The following PCDHA5 variants were observed in gnomAD, a reference collection of about 807,000 sequenced individuals.
PCDHA5 encodes the protein protocadherin alpha-5.
Under a neutral mutation model 61.6 loss-of-function variants are expected in PCDHA5, and 43 were observed. The observed-to-expected ratio is 0.70, with a 90% CI of 0.55 to 0.90. The LOEUF is 0.90. Among genes scored for constraint, PCDHA5 ranks in the 40% least tolerant of loss-of-function variants. The pLI, the probability that PCDHA5 is intolerant of heterozygous loss-of-function variation, is 0.00. For missense variants in PCDHA5, 1,298 were observed against 1,222.7 expected, an observed-to-expected ratio of 1.06 and a Z score of -0.92; for synonymous variants, 627 against 543.9, an observed-to-expected ratio of 1.15 and a Z score of -2.13.
chr5:140,831,815 T>C (rs1475150566), intron 1 of PCDHA5, among the ~76,000 whole-genome samples: 1 of 152,196 alleles, frequency 6.6e-6, no homozygotes, highest in Admixed American at 6.6e-5. Flanking sequence ...AAAGTTGGAA[T>C]GATAAACACT....
intron 1 of PCDHA5, chr5:140,928,453 T>G (rs528077853): frequency 1.9e-6 from 3 of 1,613,888 alleles, no homozygotes; most frequent in African/African-American, 2.7e-5. Flanking sequence ...GCTCAGGGGG[T>G]TTCATTTCCA....
chr5:140,873,181 T>C (rs2153284921), intron 1 of PCDHA5, among the ~76,000 whole-genome samples: 1 of 152,304 alleles, frequency 6.6e-6, no homozygotes, highest in African/African-American at 2.4e-5. Flanking sequence ...TGTATCATAA[T>C]ATTCATTGGC....
At chr5:140,865,729 G>A (rs1325219094) in intron 1 of PCDHA5, 2 of 152,136 alleles carry the variant, frequency 1.3e-5, no homozygotes, top group Non-Finnish European at 2.9e-5. Context: ...GCTGAGATGT[G>A]TATCTATTTT....
chr5:140,871,567 AT>A (rs1441824086), intron 1 of PCDHA5: 5 of 1,483,054 alleles, frequency 3.4e-6, no homozygotes, highest in African/African-American at 1.4e-5. Context: ...TTTTTCACGG[AT>A]TTTTTAAGGG....
intron 1 of PCDHA5, chr5:140,882,248 CTG>C (rs1554173227): frequency 1.3e-6 from 2 of 1,594,792 alleles, no homozygotes; most frequent in Non-Finnish European, 1.7e-6. Context: ...GCAGATAGCT[CTG>C]AGGTTTTTGG....
intron 1 of PCDHA5, chr5:140,843,178 C>T (rs1188166294): frequency 6.3e-7 from 1 of 1,595,986 alleles, no homozygotes; most frequent in Non-Finnish European, 8.6e-7. Context: ...GCAGCCCTCG[C>T]ATCCCGTTCC....
chr5:141,006,383 T>C (rs1431976303), intron 3 of PCDHA5, among the ~76,000 whole-genome samples: 1 of 151,992 alleles, frequency 6.6e-6, no homozygotes, highest in African/African-American at 2.4e-5. Context: ...GGCTAAGTTT[T>C]TTCTATTTTT....
chr5:141,009,562 C>G lies in PCDHA5; in HGVS notation c.2501-65C>G, dbSNP rs1469033090. On this transcript the variant is annotated intron_variant, in intron 3 of 3. Transcript: ENST00000529859. ...GCCTATGCAGTACTCCTGTACTCTA[C>G]CAGCAGTGTGGCATCAAGAGCATGT... The G allele has an allele frequency of 2.5e-6, 4 of 1,571,226 alleles. No individual in the cohort carries two copies. In the African/African-American group the frequency reaches 5.4e-5, roughly 21 times the overall value.
chr5:140,897,806 CA>C (rs1351917169), intron 1 of PCDHA5, among the ~76,000 whole-genome samples: 11 of 152,166 alleles, frequency 7.2e-5, no homozygotes, highest in African/African-American at 2.7e-4. Flanking sequence ...GTCCCACCAA[CA>C]GTGTAAAAGT....
In PCDHA5 at chr5:140,843,453, T is replaced by A. The variant is rs1554140092; in HGVS notation, c.2352+19326T>A. Reference sequence around the variant, plus strand: ...GCCATCTGCGCGGTATCCAGCCTGCTGGTGCTCACGCTGCTGCTGTACACT... The same window carrying A: ...GCCATCTGCGCGGTATCCAGCCTGCAGGTGCTCACGCTGCTGCTGTACACT... On this transcript the variant is annotated intron_variant, in intron 1 of 3. Coordinates refer to ENST00000529859, the MANE Select transcript of PCDHA5 (RefSeq NM_018908.3). 5.6e-6 allele frequency: 9 copies of A among 1,596,126 alleles called. No individual in the cohort carries two copies. Among genetic ancestry groups the A allele is most frequent in the Non-Finnish European group, 7.7e-6 (9 of 1,165,636 alleles).
chr5:140,927,045 C>G, intron 1 of PCDHA5: 1 of 1,612,254 alleles, frequency 6.2e-7, no homozygotes, highest in Non-Finnish European at 8.5e-7. Context: ...CCGCTATGTC[C>G]TCGCGGAACT....
At chr5:140,968,041 C>T (rs1554230247) in intron 1 of PCDHA5, 1 of 1,614,140 alleles carries the variant, frequency 6.2e-7, no homozygotes, top group Non-Finnish European at 8.5e-7. Context: ...TGGTGAGCGG[C>T]CCACTGGACC....
At chr5:140,851,304 C>A in intron 1 of PCDHA5, 2 of 1,006,386 alleles carry the variant, frequency 2.0e-6, no homozygotes, top group Non-Finnish European at 2.4e-6. Flanking sequence ...AAATATATAG[C>A]AATTGTTACC....
At chr5:140,966,740 C>G in intron 1 of PCDHA5, 1 of 1,422,696 alleles carries the variant, frequency 7.0e-7, no homozygotes, top group Non-Finnish European at 9.1e-7. Flanking sequence ...CGGCCCTGCC[C>G]GGCTGCCTCC....
chr5:140,900,630 G>A (rs1355486036), intron 1 of PCDHA5, among the ~76,000 whole-genome samples: 3 of 152,132 alleles, frequency 2.0e-5, no homozygotes, highest in African/African-American at 7.2e-5. Context: ...TCCAAATCTT[G>A]GCTATTGTGA....
intron 1 of PCDHA5, among the ~76,000 whole-genome samples, chr5:140,838,881 C>G (rs2150293311): frequency 2.0e-5 from 3 of 151,836 alleles, no homozygotes; most frequent in Non-Finnish European, 4.4e-5. Flanking sequence ...TGCCACTGAA[C>G]TCCAGCCTAG....
At chr5:141,002,184 T>A (rs1554258557) in intron 3 of PCDHA5, among the ~76,000 whole-genome samples, 1 of 152,218 alleles carries the variant, frequency 6.6e-6, no homozygotes, top group East Asian at 1.9e-4. Flanking sequence ...CAGAGTGCTG[T>A]CTGGCAAGAT....
At position 140,823,973 on chromosome 5, in the gene PCDHA5, G is replaced by C; in HGVS notation, c.2198G>C (p.Arg733Pro). ...SAQPTEAVCT[R>P]GKPTLLCSSA... is the part of the protein sequence containing the mutation. ...CAGCCCACCGAGGCCGTGTGCACAC[G>C]GGGCAAGCCCACTCTGTTGTGCTCC... Residue 733 changes from arginine to proline, a missense_variant, in exon 1 of 4, where the codon CGG becomes CCG. Transcript: ENST00000529859. 3 of 1,614,090 alleles carry C rather than the reference G, an allele frequency of 1.9e-6. No homozygotes were observed. The highest frequency in any genetic ancestry group is 2.2e-5 in the South Asian group (2 of 91,080).
At position 140,850,415 on chromosome 5, in the gene PCDHA5, G is replaced by A. The variant is rs2150483298; in HGVS notation, c.2352+26288G>A. On this transcript the variant is annotated intron_variant, in intron 1 of 3. Transcript: ENST00000529859. The stretch of plus-strand genomic sequence containing the variant: ...GCACAACGCGTGCCCTGGACGAAAC[G>A]GACGCACCGCGCCAGCGCCTACTGG... 3.1e-6 allele frequency: 5 copies of A among 1,597,962 alleles called. 1 individual carries two copies. The highest frequency in any genetic ancestry group is 4.3e-6 in the Non-Finnish European group (5 of 1,167,734).
Sources: gnomAD v4.1 joint callset for allele counts (sites outside exome capture counted in the v4.1 genomes callset) on GRCh38, gnomAD v4.1.1 for gene constraint, MANE v1.5 for transcripts, NCBI Gene and HGNC (gene_info 2026-07-23, HGNC 2026-07-21) for gene names.